Variants in GTF2IRD1 observed in about 807,000 individuals in gnomAD.
GTF2IRD1 encodes general transcription factor II-I repeat domain-containing protein 1.
In GTF2IRD1, 26 loss-of-function variants were observed where a neutral mutation model predicts 113.2. The observed-to-expected ratio is 0.23, with a 90% CI of 0.17 to 0.32. The LOEUF (loss-of-function observed/expected upper bound fraction) is 0.32, where lower values mean the gene tolerates loss of function less well. GTF2IRD1 is among the 10% of genes least tolerant of loss of function. The probability of loss-of-function intolerance (pLI) is 1.00; values close to 1 mark genes in which losing one functional copy is unlikely to be tolerated. For missense variants in GTF2IRD1, 864 were observed against 1,280.8 expected (o/e 0.67, Z 4.97); for synonymous variants, 484 against 529.1 (o/e 0.91, Z 1.17).
chr7:74,573,401 CAAAA>C (rs782809767), intron 22 of GTF2IRD1, among the ~76,000 whole-genome samples: 1 of 122,930 alleles, frequency 8.1e-6, no homozygotes, highest in Non-Finnish European at 1.7e-5. Flanking sequence ...GACCTTCTCT[CAAAA>C]AAAAAAAAAA....
chr7:74,580,697 G>T (rs1801362552), intron 22 of GTF2IRD1, among the ~76,000 whole-genome samples: 1 of 152,100 alleles, frequency 6.6e-6, no homozygotes, highest in African/African-American at 2.4e-5. Context: ...AACAGAATGA[G>T]CAGGAGGGGG....
At chr7:74,515,871 C>T (rs1584572625) in intron 4 of GTF2IRD1, among the ~76,000 whole-genome samples, 6 of 152,304 alleles carry the variant, frequency 3.9e-5, no homozygotes, top group South Asian at 2.1e-4. Context: ...AGGCTTGCCA[C>T]GGTCTCCCTG....
chr7:74,541,212 A>T (rs1798618328), intron 14 of GTF2IRD1, among the ~76,000 whole-genome samples: 1 of 151,314 alleles, frequency 6.6e-6, no homozygotes, highest in Non-Finnish European at 1.5e-5. Flanking sequence ...TAAAATAGGC[A>T]GGGTGAGGTG....
chr7:74,589,830 C>T, intron 22 of GTF2IRD1, 21 bp from the exon 23 acceptor site: 1 of 1,538,112 alleles, frequency 6.5e-7, no homozygotes. Context: ...ACTCTCATGC[C>T]CCCTTGTCTT....
At chr7:74,580,917 G>A (rs1408663034) in intron 22 of GTF2IRD1, among the ~76,000 whole-genome samples, 1 of 152,154 alleles carries the variant, frequency 6.6e-6, no homozygotes, top group Non-Finnish European at 1.5e-5. Flanking sequence ...TTGCAACTGT[G>A]GGTGTCTTTA....
chr7:74,499,924 A>G (rs1483088618), intron 1 of GTF2IRD1, among the ~76,000 whole-genome samples: 1 of 152,388 alleles, frequency 6.6e-6, no homozygotes, highest in East Asian at 1.9e-4. Context: ...GCACACACAC[A>G]GGAATGAGTG....
intron 1 of GTF2IRD1, among the ~76,000 whole-genome samples, chr7:74,497,031 G>A (rs1554338278): frequency 6.6e-6 from 1 of 152,052 alleles, no homozygotes; most frequent in Non-Finnish European, 1.5e-5. Context: ...GCATGGCGGT[G>A]CACACCTGTA....
In GTF2IRD1 at chr7:74,601,222, G is replaced by A; in HGVS notation, c.2766+42G>A. Reference sequence around the variant, plus strand: ...TTGGACTCCGGCACTCATCTCTGTGGCCCTCACCCCTCTGTCTGGCAGGGC... The same window carrying A: ...TTGGACTCCGGCACTCATCTCTGTGACCCTCACCCCTCTGTCTGGCAGGGC... On this transcript the variant is annotated intron_variant, in intron 26 of 26. Coordinates refer to ENST00000424337, the MANE Select transcript of GTF2IRD1 (RefSeq NM_005685.4). The A allele has an allele frequency of 1.9e-6, 3 of 1,553,686 alleles. No homozygotes were observed. In the South Asian group the frequency reaches 3.6e-5, roughly 18 times the overall value.
At chr7:74,510,439 T>C (rs1184002457) in intron 2 of GTF2IRD1, among the ~76,000 whole-genome samples, 1 of 151,564 alleles carries the variant, frequency 6.6e-6, no homozygotes, top group Admixed American at 6.6e-5. Flanking sequence ...CTGGAGTAGC[T>C]GGGATTACAG....
chr7:74,592,075 T>G (rs1394691863), intron 24 of GTF2IRD1, among the ~76,000 whole-genome samples: 3 of 151,858 alleles, frequency 2.0e-5, no homozygotes, highest in Non-Finnish European at 4.4e-5. Context: ...TTTCTTTATA[T>G]TTTTAAATTA....
At chr7:74,580,279 AG>A (rs1217177517) in intron 22 of GTF2IRD1, among the ~76,000 whole-genome samples, 17 of 152,016 alleles carry the variant, frequency 1.1e-4, no homozygotes, top group African/African-American at 2.4e-5. Flanking sequence ...GTGGTTCAGG[AG>A]GGGAGAGAAG....
intron 22 of GTF2IRD1, among the ~76,000 whole-genome samples, chr7:74,565,414 A>G (rs1554360375): frequency 6.6e-6 from 1 of 152,112 alleles, no homozygotes; most frequent in African/African-American, 2.4e-5. Flanking sequence ...AATCCCAGCT[A>G]CTTAGGAGGC....
At chr7:74,472,065 T>C (rs367601149) in intron 1 of GTF2IRD1, among the ~76,000 whole-genome samples, 1 of 152,194 alleles carries the variant, frequency 6.6e-6, no homozygotes, top group African/African-American at 2.4e-5. Context: ...TTTTATTGCA[T>C]GTATATTACA....
intron 12 of GTF2IRD1, 81 bp from the exon 13 acceptor site, chr7:74,538,599 A>G: frequency 1.1e-6 from 1 of 871,592 alleles, no homozygotes; most frequent in Non-Finnish European, 2.0e-6. Context: ...AGTTACAGAC[A>G]CCAGAATGTT....
Position 74,529,741 on chromosome 7 carries a change from C to T in GTF2IRD1, c.1098C>T (p.Ala366=). Reference sequence around the variant, plus strand: ...GTTTGGTTGTCTTTCCAGCGGAAGCCCTGGGCCTGGACCACATGGTCCCCG... The same window carrying T: ...GTTTGGTTGTCTTTCCAGCGGAAGCTCTGGGCCTGGACCACATGGTCCCCG... ...QILFNSRYAE[A]LGLDHMVPVP... Residue 366 remains alanine, a synonymous_variant, in exon 9 of 27, where the codon GCC becomes GCT. Coordinates refer to ENST00000424337, the MANE Select transcript of GTF2IRD1 (RefSeq NM_005685.4). The T allele has an allele frequency of 1.9e-6, 3 of 1,614,034 alleles. No individual in the cohort carries two copies. The highest frequency in any genetic ancestry group is 2.5e-6 in the Non-Finnish European group (3 of 1,179,966).
At chr7:74,595,710 G>A (rs1802371308) in intron 25 of GTF2IRD1, among the ~76,000 whole-genome samples, 1 of 152,176 alleles carries the variant, frequency 6.6e-6, no homozygotes, top group Non-Finnish European at 1.5e-5. Flanking sequence ...GAAACCTGCA[G>A]GTGCCCTGCA....
chr7:74,478,859 C>T (rs1794575552), intron 1 of GTF2IRD1, among the ~76,000 whole-genome samples: 1 of 151,928 alleles, frequency 6.6e-6, no homozygotes, highest in African/African-American at 2.4e-5. Context: ...AACCCTCCCA[C>T]CCCAGCCTCT....
Position 74,475,734 on chromosome 7 carries a change from C to A in GTF2IRD1, c.-7+21558C>A, listed in dbSNP as rs536764423. 1.4e-4 allele frequency among the ~76,000 whole-genome samples: 21 copies of A among 152,286 alleles called. No individual in the cohort carries two copies. The South Asian group carries it at 3.5e-3, about 26-fold the overall frequency. On this transcript the variant is annotated intron_variant, in intron 1 of 26. Coordinates refer to ENST00000424337, the MANE Select transcript of GTF2IRD1 (RefSeq NM_005685.4). ...GTAATGCAGGTGTTCAGAGAAAGGG[C>A]CGGATGTGTGTGCATGCGCACACCC...
chr7:74,601,292 C>A (rs1554374016), intron 26 of GTF2IRD1, 112 bp downstream of exon 26: 1 of 1,547,340 alleles, frequency 6.5e-7, no homozygotes, highest in South Asian at 1.2e-5. Context: ...AGGCACTGGG[C>A]TTTGAGTGGG....
Sources: gnomAD v4.1 joint callset for allele counts (sites outside exome capture counted in the v4.1 genomes callset) on GRCh38, gnomAD v4.1.1 for gene constraint, MANE v1.5 for transcripts, NCBI Gene and HGNC (gene_info 2026-07-23, HGNC 2026-07-21) for gene names.